The following DOCK4 variants were observed in gnomAD, a reference collection of about 807,000 sequenced individuals.
The protein encoded by DOCK4 is dedicator of cytokinesis protein 4.
A neutral mutation model predicts 268.1 loss-of-function variants in DOCK4; 97 were observed. That is an observed-to-expected ratio of 0.36 (90% CI 0.31 to 0.43). DOCK4 has a LOEUF of 0.43. DOCK4 is among the 20% of genes least tolerant of loss of function. The pLI, the probability that DOCK4 is intolerant of heterozygous loss-of-function variation, is 1.00. For synonymous variants in DOCK4, 954 were observed against 887.2 expected (o/e 1.08, Z -1.34); for missense variants, 2,145 against 2,455.7 (o/e 0.87, Z 2.67).
intron 30 of DOCK4, among the ~76,000 whole-genome samples, chr7:111,804,622 C>T (rs1206219189): frequency 1.3e-5 from 2 of 151,452 alleles, no homozygotes; most frequent in African/African-American, 4.9e-5. Flanking sequence ...TTTTTTGAGA[C>T]AGAGTCTCGC....
intron 1 of DOCK4, among the ~76,000 whole-genome samples, chr7:112,024,134 A>G (rs1802569905): frequency 1.3e-5 from 2 of 152,326 alleles, no homozygotes; most frequent in South Asian, 4.1e-4. Flanking sequence ...CAAGGATGCA[A>G]TGCTTTCAAT....
chr7:111,988,659 A>G (rs372455226), intron 6 of DOCK4, among the ~76,000 whole-genome samples: 1 of 152,226 alleles, frequency 6.6e-6, no homozygotes, highest in Non-Finnish European at 1.5e-5. Context: ...TGGAAAAGAT[A>G]TATTTTAAAA....
At chr7:112,101,539 T>C (rs528893740) in intron 1 of DOCK4, among the ~76,000 whole-genome samples, 2 of 152,196 alleles carry the variant, frequency 1.3e-5, no homozygotes, top group Non-Finnish European at 2.9e-5. Flanking sequence ...CTGAAGCAAT[T>C]CCCTCAGCTG....
At chr7:112,018,569 G>A (rs923384037) in intron 1 of DOCK4, among the ~76,000 whole-genome samples, 1 of 151,948 alleles carries the variant, frequency 6.6e-6, no homozygotes, top group African/African-American at 2.4e-5. Context: ...TCTTCTCACT[G>A]TAAATTTCAG....
At position 111,903,573 on chromosome 7, in the gene DOCK4, T is replaced by A. The variant is rs181288308; in HGVS notation, c.1193-1772A>T. On this transcript the variant is annotated intron_variant, in intron 13 of 52. Transcript: ENST00000428084. ...TTTTATGTTTATTAGACTTTCTATT[T>A]CACTTGATTACTACATATATTTTTT... Among the ~76,000 whole-genome samples, 7 of 152,370 alleles carry A rather than the reference T, an allele frequency of 4.6e-5. No homozygotes were observed. The East Asian group carries it at 1.3e-3, about 29-fold the overall frequency.
intron 12 of DOCK4, among the ~76,000 whole-genome samples, chr7:111,918,857 C>T (rs1792851727): frequency 6.6e-6 from 1 of 152,096 alleles, no homozygotes; most frequent in African/African-American, 2.4e-5. Flanking sequence ...ACGAATTTAA[C>T]AAAATTCTTA....
chr7:111,732,380 G>T, intron 51 of DOCK4, 93 bp from the exon 52 acceptor site: 1 of 1,320,250 alleles, frequency 7.6e-7, no homozygotes, highest in South Asian at 1.2e-5. Flanking sequence ...CCAAACAGAT[G>T]ATCCAGTGCA....
At chr7:111,887,563 G>A (rs934244251) in intron 16 of DOCK4, among the ~76,000 whole-genome samples, 16 of 152,072 alleles carry the variant, frequency 1.1e-4, no homozygotes, top group Admixed American at 4.6e-4. Flanking sequence ...TATGCTATAG[G>A]GCAGTCAAGT....
At chr7:112,119,149 G>A (rs982710963) in intron 1 of DOCK4, among the ~76,000 whole-genome samples, 4 of 152,114 alleles carry the variant, frequency 2.6e-5, no homozygotes, top group African/African-American at 7.2e-5. Flanking sequence ...GAGATATCCA[G>A]AAGGACTCAC....
chr7:112,022,822 T>C (rs1335127407), intron 1 of DOCK4, among the ~76,000 whole-genome samples: 1 of 152,198 alleles, frequency 6.6e-6, no homozygotes, highest in Non-Finnish European at 1.5e-5. Context: ...ATATCCAAAC[T>C]CTGGTTCCCG....
intron 8 of DOCK4, among the ~76,000 whole-genome samples, chr7:111,948,990 C>A (rs1795844639): frequency 6.6e-6 from 1 of 151,722 alleles, no homozygotes; most frequent in Non-Finnish European, 1.5e-5. Flanking sequence ...TTTAAGAACT[C>A]AGCTTTACTT....
intron 16 of DOCK4, among the ~76,000 whole-genome samples, chr7:111,890,679 C>T (rs1453405991): frequency 1.3e-5 from 2 of 152,108 alleles, no homozygotes; most frequent in Non-Finnish European, 2.9e-5. Context: ...TATAACAGCT[C>T]GGTAAGAACG....
chr7:112,065,059 T>C (rs796605058), intron 1 of DOCK4, among the ~76,000 whole-genome samples: 13 of 152,324 alleles, frequency 8.5e-5, no homozygotes, highest in African/African-American at 3.1e-4. Context: ...CTGAGCAGAC[T>C]AATACAGCAG....
At chr7:112,150,959 G>A (rs931023861) in intron 1 of DOCK4, among the ~76,000 whole-genome samples, 2 of 152,180 alleles carry the variant, frequency 1.3e-5, no homozygotes, top group Admixed American at 1.3e-4. Flanking sequence ...TAAGCCACAA[G>A]GATCTCTTAA....
At chr7:112,171,407 CTG>C (rs148362907) in intron 1 of DOCK4, among the ~76,000 whole-genome samples, 15,260 of 151,260 alleles carry the variant, frequency 0.1, 951 homozygotes, top group South Asian at 0.14. Flanking sequence ...TGTAAAAAAA[CTG>C]TTTTTTCTTT....
At chr7:112,132,200 C>T (rs771456972) in intron 1 of DOCK4, among the ~76,000 whole-genome samples, 11 of 151,864 alleles carry the variant, frequency 7.2e-5, no homozygotes, top group Non-Finnish European at 1.3e-4. Flanking sequence ...ACTTTAGAGC[C>T]GGAGGACATT....
chr7:112,049,032 C>CA (rs1364002363), intron 1 of DOCK4, among the ~76,000 whole-genome samples: 2 of 152,014 alleles, frequency 1.3e-5, no homozygotes, highest in East Asian at 3.9e-4. Context: ...AACAGCATTA[C>CA]AAGACATAGT....
chr7:112,116,700 T>C (rs574574844), intron 1 of DOCK4, among the ~76,000 whole-genome samples: 1 of 152,354 alleles, frequency 6.6e-6, no homozygotes, highest in South Asian at 2.1e-4. Flanking sequence ...AGGACTTGCA[T>C]TTATATTTTT....
chr7:111,939,980 T>C, intron 11 of DOCK4, 130 bp downstream of exon 11: 4 of 898,482 alleles, frequency 4.5e-6, no homozygotes, highest in Middle Eastern at 6.9e-4. Context: ...TACAGATTAC[T>C]GGGTTTTTGA....
Sources: gnomAD v4.1 joint callset for allele counts (sites outside exome capture counted in the v4.1 genomes callset) on GRCh38, gnomAD v4.1.1 for gene constraint, MANE v1.5 for transcripts, NCBI Gene and HGNC (gene_info 2026-07-23, HGNC 2026-07-21) for gene names.